PTPN13: variants seen among roughly 807,000 people sequenced by gnomAD.
The protein encoded by PTPN13 is protein tyrosine phosphatase non-receptor type 13.
A neutral mutation model predicts 284.0 loss-of-function variants in PTPN13; 191 were observed. The observed-to-expected ratio is 0.67, with a 90% confidence interval of 0.60 to 0.76. The LOEUF (loss-of-function observed/expected upper bound fraction) is 0.76. Ranked by LOEUF, PTPN13 falls within the 30% of genes least tolerant of loss-of-function variation. The pLI, the probability that PTPN13 is intolerant of heterozygous loss-of-function variation, is 0.00. For synonymous variants in PTPN13, 986 were observed against 1,022.3 expected (o/e 0.96, Z 0.68); for missense variants, 2,797 against 2,939.9 (o/e 0.95, Z 1.12).
At chr4:86,741,497 T>G in intron 15 of PTPN13, 137 bp from the exon 16 acceptor site, 1 of 697,726 alleles carries the variant, frequency 1.4e-6, no homozygotes, top group Non-Finnish European at 2.4e-6. Flanking sequence ...TACCTCTCAG[T>G]GGGTCTCTCC....
In PTPN13 at chr4:86,807,628, G is replaced by A. The variant is rs1349635551; in HGVS notation, c.6814G>A (p.Val2272Ile). ...CAATGCCAGCTTCATTAAGATACCA[G>A]TTGGGAAAGAAGAGTTCGTTTACAT... Reference protein sequence around the residue: ...YINASFIKIPVGKEEFVYIAC... With the variant: ...YINASFIKIPIGKEEFVYIAC... The change falls in exon 45 of 48, where the codon GTT (valine) becomes ATT (isoleucine). Residue 2272 changes from valine (V) to isoleucine (I), a missense_variant. By Grantham distance (29) the Val-to-Ile change is conservative (BLOSUM62 3). Transcript: ENST00000411767. 2 of 1,613,890 alleles carry A rather than the reference G, an allele frequency of 1.2e-6. No homozygotes were observed. The highest frequency in any genetic ancestry group is 1.7e-6 in the Non-Finnish European group (2 of 1,179,882).
At chr4:86,622,179 C>T (rs1473235486) in intron 1 of PTPN13, among the ~76,000 whole-genome samples, 1 of 152,166 alleles carries the variant, frequency 6.6e-6, no homozygotes, top group Non-Finnish European at 1.5e-5. Flanking sequence ...CATTTATCTT[C>T]AGACTGATAG....
chr4:86,602,936 C>A (rs1425620217), intron 1 of PTPN13, among the ~76,000 whole-genome samples: 1 of 152,044 alleles, frequency 6.6e-6, no homozygotes, highest in Non-Finnish European at 1.5e-5. Flanking sequence ...TGGACTCAAG[C>A]GATCCTCCTG....
rs1453810630 is a variant in PTPN13, at chr4:86,725,273, A to G, written c.1608+2839A>G. On this transcript the variant is annotated intron_variant, in intron 10 of 47. Coordinates refer to ENST00000411767, the MANE Select transcript of PTPN13 (RefSeq NM_080683.3). Reference sequence around the variant, plus strand: ...CGCTATTGTGAACAGTGCTGCAATAAACATACATGTGCATGTGTCTTTATG... The same window carrying G: ...CGCTATTGTGAACAGTGCTGCAATAGACATACATGTGCATGTGTCTTTATG... 4.0e-5 allele frequency among the ~76,000 whole-genome samples: 6 copies of G among 149,300 alleles called. No individual in the cohort carries two copies. The Admixed American group carries it at 4.0e-4, about 10-fold the overall frequency.
chr4:86,595,259 A>C (rs1158551213), intron 1 of PTPN13, among the ~76,000 whole-genome samples: 1 of 151,834 alleles, frequency 6.6e-6, no homozygotes, highest in East Asian at 1.9e-4. Flanking sequence ...TAAGGGCTCG[A>C]GAAGGGGGTG....
At chr4:86,651,785 T>C (rs1725113566) in intron 2 of PTPN13, among the ~76,000 whole-genome samples, 1 of 152,238 alleles carries the variant, frequency 6.6e-6, no homozygotes, top group African/African-American at 2.4e-5. Context: ...CTCCTAATAG[T>C]CTCTAATGAT....
At position 86,807,580 on chromosome 4, in the gene PTPN13, C is replaced by G. The variant is rs756707548; in HGVS notation, c.6766C>G (p.Leu2256Val). 8 of 1,612,338 alleles carry G rather than the reference C, an allele frequency of 5.0e-6. No individual in the cohort carries two copies. The highest frequency in any genetic ancestry group is 6.8e-6 in the Non-Finnish European group (8 of 1,178,880). ...ILPYDATRVPLGDEGGYINAS... is the reference protein window; with the variant it reads ...ILPYDATRVPVGDEGGYINAS... The stretch of plus-strand genomic sequence containing the variant: ...CACAGATGATGCTACAAGAGTGCCT[C>G]TTGGAGATGAAGGTGGCTATATCAA... Residue 2256 changes from leucine (L) to valine (V), a missense_variant, in exon 45 of 48, where the codon CTT (leucine) becomes GTT (valine). Coordinates refer to ENST00000411767, the MANE Select transcript of PTPN13 (RefSeq NM_080683.3).
At chr4:86,604,817 T>C (rs750906743) in intron 1 of PTPN13, among the ~76,000 whole-genome samples, 9 of 152,024 alleles carry the variant, frequency 5.9e-5, no homozygotes, top group Non-Finnish European at 1.3e-4. Flanking sequence ...TTTCCGTATT[T>C]TGAGAAATAT....
At chr4:86,745,752 G>A (rs1370932657) in intron 17 of PTPN13, among the ~76,000 whole-genome samples, 1 of 151,992 alleles carries the variant, frequency 6.6e-6, no homozygotes, top group Non-Finnish European at 1.5e-5. Flanking sequence ...CTCCAACCTG[G>A]GCGACAGTGC....
At chr4:86,733,079 G>A (rs912807391) in intron 12 of PTPN13, among the ~76,000 whole-genome samples, 1 of 151,996 alleles carries the variant, frequency 6.6e-6, no homozygotes, top group African/African-American at 2.4e-5. Flanking sequence ...CTAGAAATTA[G>A]TATCCTAATA....
intron 27 of PTPN13, 63 bp downstream of exon 27, chr4:86,766,580 C>G: frequency 8.7e-7 from 1 of 1,148,666 alleles, no homozygotes; most frequent in Non-Finnish European, 1.2e-6. Flanking sequence ...GTGTGAATAA[C>G]ATCAGTTCTC....
At chr4:86,625,970 C>T (rs1214431398) in intron 1 of PTPN13, among the ~76,000 whole-genome samples, 1 of 152,120 alleles carries the variant, frequency 6.6e-6, no homozygotes, top group African/African-American at 2.4e-5. Flanking sequence ...TATCCTAAAG[C>T]AATGATCTTA....
chr4:86,775,751 A>ATATAT, intron 35 of PTPN13, 99 bp downstream of exon 35: 5 of 974,214 alleles, frequency 5.1e-6, no homozygotes, highest in Non-Finnish European at 6.0e-6. Context: ...TGAATTAGTA[A>ATATAT]TTCATAGACT....
At chr4:86,674,787 G>T (rs1227242722) in intron 3 of PTPN13, among the ~76,000 whole-genome samples, 1 of 152,150 alleles carries the variant, frequency 6.6e-6, no homozygotes, top group Non-Finnish European at 1.5e-5. Context: ...TATCATGAAG[G>T]TATTCAAGTG....
intron 1 of PTPN13, among the ~76,000 whole-genome samples, chr4:86,623,023 C>T (rs1171414466): frequency 6.6e-6 from 1 of 152,196 alleles, no homozygotes; most frequent in African/African-American, 2.4e-5. Flanking sequence ...AAACTTTTGG[C>T]CCTTCCTTCA....
chr4:86,658,120 G>T (rs1156332097), intron 2 of PTPN13, among the ~76,000 whole-genome samples: 1 of 152,220 alleles, frequency 6.6e-6, no homozygotes, highest in Non-Finnish European at 1.5e-5. Context: ...CTGAAACTGG[G>T]TTCTTCTCGC....
At chr4:86,767,372 A>G (rs567528481) in intron 27 of PTPN13, among the ~76,000 whole-genome samples, 1 of 151,606 alleles carries the variant, frequency 6.6e-6, no homozygotes, top group East Asian at 1.9e-4. Flanking sequence ...CGGCCTGTCA[A>G]GTAGCTGGGA....
chr4:86,671,174 TAA>T (rs1220078989), intron 2 of PTPN13, among the ~76,000 whole-genome samples: 2 of 152,220 alleles, frequency 1.3e-5, no homozygotes, highest in Non-Finnish European at 2.9e-5. Context: ...TTTTTAATCA[TAA>T]GTCATATTCT....
At chr4:86,794,089 A>G (rs1743017267) in intron 40 of PTPN13, among the ~76,000 whole-genome samples, 1 of 152,150 alleles carries the variant, frequency 6.6e-6, no homozygotes, top group Non-Finnish European at 1.5e-5. Context: ...TCAACAAAAT[A>G]GACTGCTAGC....
Sources: gnomAD v4.1 joint callset for allele counts (sites outside exome capture counted in the v4.1 genomes callset) on GRCh38, gnomAD v4.1.1 for gene constraint, MANE v1.5 for transcripts, NCBI Gene and HGNC (gene_info 2026-07-23, HGNC 2026-07-21) for gene names.